Variants in PGM5 observed in about 807,000 individuals in gnomAD.
The protein encoded by PGM5 is phosphoglucomutase-like protein 5.
Under a neutral mutation model 59.2 loss-of-function variants are expected in PGM5, and 23 were observed. The observed-to-expected ratio is 0.39, with a 90% CI of 0.28 to 0.55. The LOEUF (loss-of-function observed/expected upper bound fraction) is 0.55. Ranked by LOEUF, PGM5 falls within the 20% of genes least tolerant of loss-of-function variation. The pLI, the probability that PGM5 is intolerant of heterozygous loss-of-function variation, is 0.66. For missense variants in PGM5, 574 were observed against 748.3 expected (o/e 0.77, Z 2.72); for synonymous variants, 214 against 286.0 (o/e 0.75, Z 2.54).
intron 1 of PGM5, among the ~76,000 whole-genome samples, chr9:68,369,585 G>C (rs1281355067): frequency 6.6e-6 from 1 of 152,182 alleles, no homozygotes; most frequent in Non-Finnish European, 1.5e-5. Flanking sequence ...TTGCATCCAA[G>C]GAAGATTAGA....
chr9:68,369,009 T>C (rs1324663256), intron 1 of PGM5, among the ~76,000 whole-genome samples: 3 of 152,272 alleles, frequency 2.0e-5, no homozygotes, highest in African/African-American at 7.2e-5. Context: ...GTTTTACATA[T>C]AAAAATTTGA....
chr9:68,421,329 T>C (rs1396088445), intron 6 of PGM5, among the ~76,000 whole-genome samples: 1 of 152,146 alleles, frequency 6.6e-6, no homozygotes, highest in Non-Finnish European at 1.5e-5. Context: ...TTTCCTGATG[T>C]TGTTTATCTA....
intron 6 of PGM5, among the ~76,000 whole-genome samples, chr9:68,461,368 G>A (rs868974645): frequency 2.6e-5 from 4 of 152,196 alleles, no homozygotes. Flanking sequence ...TTCAAGGGAG[G>A]TTGAGAACTA....
At chr9:68,479,859 G>A (rs868992133) in intron 8 of PGM5, among the ~76,000 whole-genome samples, 6 of 151,156 alleles carry the variant, frequency 4.0e-5, no homozygotes, top group African/African-American at 9.7e-5. Flanking sequence ...GCGTGAACCC[G>A]GAAGGCGGAG....
chr9:68,479,574 C>A, intron 8 of PGM5, 21 bp downstream of exon 8: 1 of 1,611,672 alleles, frequency 6.2e-7, no homozygotes, highest in East Asian at 2.2e-5. Context: ...GGGGAAGGGT[C>A]TCTGTATGGA....
intron 10 of PGM5, among the ~76,000 whole-genome samples, chr9:68,512,508 G>A (rs1824765576): frequency 2.6e-5 from 4 of 152,166 alleles, no homozygotes; most frequent in Admixed American, 6.5e-5. Context: ...AGGGCTGTGA[G>A]GGAAGGATCT....
intron 6 of PGM5, among the ~76,000 whole-genome samples, chr9:68,459,884 A>G (rs1269549100): frequency 6.6e-6 from 1 of 152,198 alleles, no homozygotes; most frequent in Non-Finnish European, 1.5e-5. Flanking sequence ...AAACTAATTT[A>G]TAAGAGTTTT....
At chr9:68,469,680 G>A (rs531322458) in intron 7 of PGM5, among the ~76,000 whole-genome samples, 2 of 152,286 alleles carry the variant, frequency 1.3e-5, no homozygotes, top group East Asian at 3.9e-4. Flanking sequence ...TAAATGCCCT[G>A]AAGACAGGGC....
chr9:68,448,057 G>A (rs1823642043), intron 6 of PGM5, among the ~76,000 whole-genome samples: 1 of 152,174 alleles, frequency 6.6e-6, no homozygotes, highest in Non-Finnish European at 1.5e-5. Flanking sequence ...AGATGGGGAA[G>A]AGGGAAGAGG....
At chr9:68,478,086 A>G (rs1206307580) in intron 7 of PGM5, among the ~76,000 whole-genome samples, 1 of 152,230 alleles carries the variant, frequency 6.6e-6, no homozygotes, top group African/African-American at 2.4e-5. Context: ...TCCCCAGGAT[A>G]CCACATGTCT....
At chr9:68,392,560 C>T (rs1412716018) in intron 6 of PGM5, 87 bp downstream of exon 6, 11 of 1,566,386 alleles carry the variant, frequency 7.0e-6, no homozygotes, top group Non-Finnish European at 8.6e-6. Flanking sequence ...TTATTCTCCC[C>T]TGCTCCATTT....
At chr9:68,389,921 A>G (rs1435821783) in intron 4 of PGM5, among the ~76,000 whole-genome samples, 1 of 152,098 alleles carries the variant, frequency 6.6e-6, no homozygotes, top group South Asian at 2.1e-4. Context: ...AGTCTTTTCC[A>G]TTTTAGCCAT....
chr9:68,407,748 G>C (rs1318909279), intron 6 of PGM5, among the ~76,000 whole-genome samples: 1 of 152,156 alleles, frequency 6.6e-6, no homozygotes, highest in Admixed American at 6.5e-5. Flanking sequence ...TGTGCATATT[G>C]TGAGCATTTG....
intron 6 of PGM5, among the ~76,000 whole-genome samples, chr9:68,419,592 A>G (rs1823094067): frequency 6.6e-6 from 1 of 152,248 alleles, no homozygotes; most frequent in South Asian, 2.1e-4. Context: ...GGATGGCTCC[A>G]CAATTCCTCT....
intron 6 of PGM5, among the ~76,000 whole-genome samples, chr9:68,416,659 G>A (rs145487944): frequency 0.022 from 3,410 of 152,290 alleles, 42 homozygotes; most frequent in Non-Finnish European, 0.034. Context: ...TATATAAGCA[G>A]TTCCAATTAT....
chr9:68,505,293 G>A (rs1319773953), intron 10 of PGM5, among the ~76,000 whole-genome samples: 2 of 152,150 alleles, frequency 1.3e-5, no homozygotes, highest in Admixed American at 6.5e-5. Context: ...CAGTGTTATT[G>A]AGAGGTTTTT....
In PGM5 at chr9:68,491,933, A is replaced by G. The variant is rs76206015; in HGVS notation, c.1480-7294A>G. Among the ~76,000 whole-genome samples, 1,250 of 152,318 alleles carry G rather than the reference A, an allele frequency of 8.2e-3. 11 individuals are homozygous for G. The highest frequency in any genetic ancestry group is 0.013 in the Non-Finnish European group (911 of 68,028). On this transcript the variant is annotated intron_variant, in intron 9 of 10. Coordinates refer to ENST00000396396, the MANE Select transcript of PGM5 (RefSeq NM_021965.4). ...CTCCCTGTTTCTGGTTAACTGGAGT[A>G]TTGTTATAAAGAATTACCTTCTCCT...
intron 6 of PGM5, among the ~76,000 whole-genome samples, chr9:68,441,927 G>C (rs1355615746): frequency 1.3e-5 from 2 of 152,098 alleles, no homozygotes; most frequent in Non-Finnish European, 2.9e-5. Flanking sequence ...TATACTATCA[G>C]TGTTCAATTG....
intron 6 of PGM5, among the ~76,000 whole-genome samples, chr9:68,464,313 T>C (rs1823900051): frequency 6.6e-6 from 1 of 152,048 alleles, no homozygotes; most frequent in Non-Finnish European, 1.5e-5. Flanking sequence ...GATCAAAACT[T>C]ATAGGGGAGT....
Sources: gnomAD v4.1 joint callset for allele counts (sites outside exome capture counted in the v4.1 genomes callset) on GRCh38, gnomAD v4.1.1 for gene constraint, MANE v1.5 for transcripts, NCBI Gene and HGNC (gene_info 2026-07-23, HGNC 2026-07-21) for gene names.